Variants in HIPK2 observed in about 807,000 individuals in gnomAD.
HIPK2 encodes homeodomain-interacting protein kinase 2.
A neutral mutation model predicts 113.7 loss-of-function variants in HIPK2; 27 were observed. That is an observed-to-expected ratio of 0.24 (90% confidence interval 0.17 to 0.33). The LOEUF is 0.33. Among genes scored for constraint, HIPK2 ranks in the 10% least tolerant of loss-of-function variants. The pLI, the probability that HIPK2 is intolerant of heterozygous loss-of-function variation, is 1.00. For synonymous variants in HIPK2, 631 were observed against 642.2 expected (o/e 0.98, Z 0.26); for missense variants, 1,257 against 1,588.0 (o/e 0.79, Z 3.54).
At position 139,766,792 on chromosome 7, in the gene HIPK2, T is replaced by G. The variant is rs143558816; in HGVS notation, c.19+10813A>C. ...GTAAATGGAGAAAATCATAGAGCTC[T>G]TAAATATTAGTTAATAATAGTGTAT... On this transcript the variant is annotated intron_variant, in intron 1 of 14. Coordinates refer to ENST00000406875, the MANE Select transcript of HIPK2 (RefSeq NM_022740.5). Among the ~76,000 whole-genome samples, 40 of 152,332 alleles carry G rather than the reference T, an allele frequency of 2.6e-4. No individual in the cohort carries two copies. The East Asian group carries it at 6.9e-3, about 26-fold the overall frequency.
At chr7:139,640,528 A>G (rs976954512) in intron 2 of HIPK2, among the ~76,000 whole-genome samples, 4 of 152,258 alleles carry the variant, frequency 2.6e-5, no homozygotes, top group African/African-American at 9.6e-5. Flanking sequence ...ACAGAGCATC[A>G]TAGGGGGGCA....
At chr7:139,759,477 G>A (rs576298652) in intron 1 of HIPK2, among the ~76,000 whole-genome samples, 1 of 152,170 alleles carries the variant, frequency 6.6e-6, no homozygotes, top group Non-Finnish European at 1.5e-5. Context: ...TAAATGACAT[G>A]TCTACAAGGT....
intron 2 of HIPK2, among the ~76,000 whole-genome samples, chr7:139,645,743 T>C (rs931393108): frequency 2.0e-5 from 3 of 152,136 alleles, no homozygotes; most frequent in African/African-American, 7.2e-5. Flanking sequence ...CAGGACTCAC[T>C]GAGGGTATGT....
At chr7:139,774,780 G>T (rs114167479) in intron 1 of HIPK2, among the ~76,000 whole-genome samples, 210 of 152,212 alleles carry the variant, frequency 1.4e-3, no homozygotes, top group African/African-American at 4.8e-3. Context: ...AAAAAGCCTC[G>T]CAAAGCAAGT....
chr7:139,762,393 C>T (rs1285852112), intron 1 of HIPK2, among the ~76,000 whole-genome samples: 1 of 152,164 alleles, frequency 6.6e-6, no homozygotes, highest in African/African-American at 2.4e-5. Flanking sequence ...ACTTTACCTC[C>T]ACTTCCTCAT....
At chr7:139,628,729 T>C (rs41274212) in intron 5 of HIPK2, among the ~76,000 whole-genome samples, 27,531 of 152,248 alleles carry the variant, frequency 0.18, 3,476 homozygotes, top group African/African-American at 0.36. Context: ...CCACCATGCC[T>C]GGCCAACTGG....
intron 2 of HIPK2, among the ~76,000 whole-genome samples, chr7:139,713,597 T>G (rs558784938): frequency 2.5e-4 from 38 of 152,338 alleles, no homozygotes; most frequent in African/African-American, 7.5e-4. Context: ...TCGAAGTCTT[T>G]TTACAAGTCG....
chr7:139,617,055 C>T (rs969856961), intron 7 of HIPK2, among the ~76,000 whole-genome samples: 1 of 152,164 alleles, frequency 6.6e-6, no homozygotes, highest in Non-Finnish European at 1.5e-5. Context: ...CCCCTAGTTT[C>T]GAACCCTGCT....
At position 139,565,161 on chromosome 7, in the gene HIPK2, T is replaced by C. The variant is rs560554881; in HGVS notation, c.*7766A>G. The C allele has an allele frequency of 1.8e-4, 28 of 152,140 alleles. No homozygotes were observed. Among genetic ancestry groups the C allele is most frequent in the African/African-American group, 5.5e-4 (23 of 41,496 alleles). The allele number at this position is 152,140 out of a possible 1,614,324, so 9.4% of individuals were successfully genotyped here. A position where few individuals can be genotyped will look rare whatever the true frequency, so the allele number is the denominator to read the frequency against. On this transcript the variant is annotated 3_prime_UTR_variant, in exon 15 of 15. Coordinates refer to ENST00000406875, the MANE Select transcript of HIPK2 (RefSeq NM_022740.5). ...CCACATTTGAGGTAATTATTGCCAT[T>C]AGGTCACAGTTTGTGTAAGATAATG...
At chr7:139,764,632 G>T (rs1796523430) in intron 1 of HIPK2, among the ~76,000 whole-genome samples, 2 of 152,270 alleles carry the variant, frequency 1.3e-5, no homozygotes, top group Non-Finnish European at 2.9e-5. Flanking sequence ...ATGGCTTTAT[G>T]ACTCTGGAGC....
chr7:139,578,954 G>C (rs1178907775), intron 13 of HIPK2, among the ~76,000 whole-genome samples: 1 of 152,204 alleles, frequency 6.6e-6, no homozygotes, highest in Non-Finnish European at 1.5e-5. Context: ...GATTATAGGC[G>C]TGAGCCACCG....
rs370510687 is a variant in HIPK2, at chr7:139,585,137, A to AG, written c.2718-1074_2718-1073insC. Reference sequence around the variant, plus strand: ...TTAAGAAATAAAAATTGCCTAGGCAACTGGTCAGTTTCCAGCTAATTGGAT... The same window carrying AG: ...TTAAGAAATAAAAATTGCCTAGGCAAGCTGGTCAGTTTCCAGCTAATTGGAT... On this transcript the variant is annotated intron_variant, in intron 12 of 14. Transcript: ENST00000406875. 4.9e-3 allele frequency among the ~76,000 whole-genome samples: 752 copies of AG among 152,364 alleles called. 7 individuals are homozygous for AG. The highest frequency in any genetic ancestry group is 0.017 in the African/African-American group (704 of 41,588).
At chr7:139,711,146 G>A (rs1585406722) in intron 2 of HIPK2, among the ~76,000 whole-genome samples, 1 of 151,442 alleles carries the variant, frequency 6.6e-6, no homozygotes, top group Non-Finnish European at 1.5e-5. Flanking sequence ...AAAAAAAAAA[G>A]GCTGGGCGTG....
At chr7:139,729,057 C>G (rs1795681205) in intron 1 of HIPK2, among the ~76,000 whole-genome samples, 1 of 152,194 alleles carries the variant, frequency 6.6e-6, no homozygotes, top group Admixed American at 6.5e-5. Context: ...GGTTCAGTGG[C>G]TCACACCTGT....
Position 139,631,491 on chromosome 7 carries a change from G to A in HIPK2, c.1227+111C>T, listed in dbSNP as rs370468560. ...AGGGAAGCAAGGTTTGGGAGACAAC[G>A]TGACATTCCACAGTCCCGCCCATTT... On this transcript the variant is annotated intron_variant, in intron 3 of 14. Transcript: ENST00000406875. The surrounding 1 kb of genome is among the most constrained non-coding windows in gnomAD (Gnocchi z 4.9). 979 of 1,487,802 alleles carry A rather than the reference G, an allele frequency of 6.6e-4. 11 individuals carry two copies. In the South Asian group the frequency reaches 0.012, roughly 19 times the overall value. 92.2% of individuals were successfully genotyped at this position (1,487,802 alleles called of 1,614,324 possible).
In HIPK2 at chr7:139,567,406, T is replaced by TTA. The variant is rs1554416698; in HGVS notation, c.*5520_*5521insTA. 1 of 142,508 alleles carries TTA rather than the reference T, an allele frequency of 7.0e-6. No individual in the cohort carries two copies. Among genetic ancestry groups the TTA allele is most frequent in the African/African-American group, 2.8e-5 (1 of 35,798 alleles). The allele number at this position is 142,508 out of a possible 1,614,324, so 8.8% of individuals were successfully genotyped here. ...TTGAAATAAATGCATTTTTTTTTTT[T>TTA]AAAAAAAAGGACAGAGAGGAAAGAG... On this transcript the variant is annotated 3_prime_UTR_variant, in exon 15 of 15. Transcript: ENST00000406875.
intron 2 of HIPK2, among the ~76,000 whole-genome samples, chr7:139,645,496 C>T (rs1303755465): frequency 6.6e-6 from 1 of 152,230 alleles, no homozygotes; most frequent in Non-Finnish European, 1.5e-5. Flanking sequence ...GTCTCCCCCA[C>T]TGCACTGTGT....
chr7:139,664,132 A>G (rs1324012241), intron 2 of HIPK2, among the ~76,000 whole-genome samples: 1 of 148,074 alleles, frequency 6.8e-6, no homozygotes, highest in East Asian at 2.1e-4. Context: ...AGTCAAACAA[A>G]CAAGCAAGCA....
intron 10 of HIPK2, 96 bp from the exon 11 acceptor site, chr7:139,600,692 G>A (rs977685440): frequency 1.4e-6 from 2 of 1,379,836 alleles, no homozygotes; most frequent in African/African-American, 2.9e-5. Context: ...AACGCTGACT[G>A]CAGTTGGTTA....
Sources: gnomAD v4.1 joint callset for allele counts (sites outside exome capture counted in the v4.1 genomes callset) on GRCh38, gnomAD v4.1.1 for gene constraint, Gnocchi (gnomAD v3.1) non-coding constraint, MANE v1.5 for transcripts, NCBI Gene and HGNC (gene_info 2026-07-23, HGNC 2026-07-21) for gene names.